The following CENPP variants were observed in gnomAD, a reference collection of about 807,000 sequenced individuals.
The protein encoded by CENPP is centromere protein P.
In CENPP, 24 loss-of-function variants were observed where a neutral mutation model predicts 35.6. That is an observed-to-expected ratio of 0.67 (90% confidence interval 0.49 to 0.95). The LOEUF (loss-of-function observed/expected upper bound fraction) is 0.95, where lower values mean the gene tolerates loss of function less well. CENPP is among the 40% of genes least tolerant of loss of function. The probability of loss-of-function intolerance (pLI) is 0.00; values close to 1 mark genes in which losing one functional copy is unlikely to be tolerated. For missense variants in CENPP, 332 were observed against 345.3 expected (o/e 0.96, Z 0.31); for synonymous variants, 120 against 125.5 (o/e 0.96, Z 0.29).
intron 5 of CENPP, among the ~76,000 whole-genome samples, chr9:92,408,076 T>G (rs1177032578): frequency 1.3e-5 from 2 of 152,196 alleles, no homozygotes; most frequent in African/African-American, 4.8e-5. Context: ...TGGATTAGCT[T>G]TCAATGAATG....
intron 5 of CENPP, among the ~76,000 whole-genome samples, chr9:92,562,195 TTTTTTTCTTTTC>T (rs1427188198): frequency 1.3e-5 from 2 of 149,308 alleles, no homozygotes; most frequent in Non-Finnish European, 3.0e-5. Flanking sequence ...TCAGTTTTCT[TTTTTTTCTTTTC>T]TTTTTTTTTT....
chr9:92,457,554 C>G (rs570011459), intron 5 of CENPP: 222 of 1,172,388 alleles, frequency 1.9e-4, no homozygotes, highest in Non-Finnish European at 2.5e-4. Context: ...ACTCTGTAGT[C>G]GCCATTTGTT....
chr9:92,409,780 A>C (rs1021161173), intron 5 of CENPP, among the ~76,000 whole-genome samples: 1 of 152,202 alleles, frequency 6.6e-6, no homozygotes, highest in African/African-American at 2.4e-5. Context: ...GAATTTTCAC[A>C]TTTTTATTTC....
intron 5 of CENPP, among the ~76,000 whole-genome samples, chr9:92,565,347 C>T (rs1328425934): frequency 5.2e-5 from 7 of 133,602 alleles, no homozygotes; most frequent in African/African-American, 1.2e-4. Context: ...AGAACGTTTA[C>T]GAATTTTGTG....
At chr9:92,541,055 T>C (rs1849306767) in intron 5 of CENPP, among the ~76,000 whole-genome samples, 1 of 149,568 alleles carries the variant, frequency 6.7e-6, no homozygotes, top group African/African-American at 2.5e-5. Context: ...AGGTCAGGAG[T>C]TCAAGACCAG....
intron 5 of CENPP, among the ~76,000 whole-genome samples, chr9:92,418,883 T>C (rs911085593): frequency 6.6e-6 from 1 of 152,190 alleles, no homozygotes; most frequent in East Asian, 1.9e-4. Flanking sequence ...CTTTAAATCC[T>C]AAAGACATAC....
At chr9:92,455,736 GTTA>G (rs1317630900) in intron 5 of CENPP, among the ~76,000 whole-genome samples, 9 of 152,134 alleles carry the variant, frequency 5.9e-5, no homozygotes, top group African/African-American at 1.9e-4. Context: ...ATGGTGTATT[GTTA>G]TTATTATATG....
intron 5 of CENPP, among the ~76,000 whole-genome samples, chr9:92,486,870 C>T (rs1846071672): frequency 6.6e-6 from 1 of 151,602 alleles, no homozygotes; most frequent in African/African-American, 2.4e-5. Context: ...CAACCTCCAC[C>T]TCCTGGGTTT....
At chr9:92,562,753 T>C (rs1002891069) in intron 5 of CENPP, among the ~76,000 whole-genome samples, 1 of 152,156 alleles carries the variant, frequency 6.6e-6, no homozygotes, top group Non-Finnish European at 1.5e-5. Flanking sequence ...TCCACTGATA[T>C]ACTGTCTGAA....
chr9:92,552,459 C>T (rs1314296796), intron 5 of CENPP, among the ~76,000 whole-genome samples: 1 of 152,134 alleles, frequency 6.6e-6, no homozygotes, highest in African/African-American at 2.4e-5. Context: ...TCATTCCCAC[C>T]AGCAGTGTAG....
chr9:92,343,309 A>G (rs1373680438), intron 3 of CENPP, among the ~76,000 whole-genome samples: 1 of 152,212 alleles, frequency 6.6e-6, no homozygotes. Flanking sequence ...TGGTTGGGAC[A>G]TAGAGCTCTG....
rs36222751 is a variant in CENPP, at chr9:92,357,461, C to CATTATT, written c.467+11717_467+11722dup. On this transcript the variant is annotated intron_variant, in intron 4 of 7. Coordinates refer to ENST00000375587, the MANE Select transcript of CENPP (RefSeq NM_001012267.3). ...GCCACATCCCTTTGATCATCTCCCT[C>CATTATT]ATTATTATTATTATTATTATTATTA... Among the ~76,000 whole-genome samples the CATTATT allele has an allele frequency of 2.0e-3, 291 of 143,466 alleles. 2 individuals are homozygous for CATTATT. Among genetic ancestry groups the CATTATT allele is most frequent in the South Asian group, 4.2e-3 (19 of 4,476 alleles). The allele number at this position is 143,466 out of a possible 152,430, so 94.1% of individuals were successfully genotyped here.
intron 5 of CENPP, among the ~76,000 whole-genome samples, chr9:92,423,229 C>G (rs1407764923): frequency 1.3e-5 from 2 of 151,918 alleles, no homozygotes; most frequent in South Asian, 4.2e-4. Context: ...AGGAAAAGAA[C>G]AAATGTGAAA....
intron 5 of CENPP, among the ~76,000 whole-genome samples, chr9:92,401,349 A>G (rs1380499874): frequency 6.6e-6 from 1 of 152,192 alleles, no homozygotes; most frequent in Non-Finnish European, 1.5e-5. Context: ...TTAAATTACA[A>G]TAAGTATTTT....
intron 1 of CENPP, among the ~76,000 whole-genome samples, chr9:92,331,326 G>T (rs1055380107): frequency 2.0e-4 from 31 of 152,006 alleles, no homozygotes; most frequent in African/African-American, 7.2e-4. Context: ...GACTACAGGC[G>T]CCTGCCACCA....
intron 5 of CENPP, among the ~76,000 whole-genome samples, chr9:92,566,619 G>A (rs1849974459): frequency 6.6e-6 from 1 of 152,128 alleles, no homozygotes; most frequent in Non-Finnish European, 1.5e-5. Context: ...ATTTGAGCAG[G>A]TAGAAGAAAT....
intron 5 of CENPP, among the ~76,000 whole-genome samples, chr9:92,563,677 G>T (rs993503987): frequency 6.6e-6 from 1 of 152,158 alleles, no homozygotes; most frequent in African/African-American, 2.4e-5. Context: ...TTTACCAAAA[G>T]AATTGGTGAG....
intron 4 of CENPP, among the ~76,000 whole-genome samples, chr9:92,356,690 A>T (rs1028026477): frequency 8.5e-5 from 13 of 152,258 alleles, no homozygotes; most frequent in Non-Finnish European, 1.6e-4. Flanking sequence ...AGACAGGTGT[A>T]AGAAATTATA....
At chr9:92,553,296 C>T (rs949139336) in intron 5 of CENPP, among the ~76,000 whole-genome samples, 11 of 152,124 alleles carry the variant, frequency 7.2e-5, no homozygotes, top group African/African-American at 2.7e-4. Flanking sequence ...CAGTATTATG[C>T]TGTTTTGGTG....
Sources: allele counts gnomAD v4.1 joint callset (sites outside exome capture counted in the v4.1 genomes callset), GRCh38; gene constraint gnomAD v4.1.1; transcripts MANE v1.5; gene names NCBI Gene and HGNC (gene_info 2026-07-23, HGNC 2026-07-21).